Variants in DOCK7 observed in about 807,000 individuals in gnomAD.
DOCK7 encodes the protein dedicator of cytokinesis protein 7.
DOCK7 carries 138 observed loss-of-function variants against 271.0 expected under a neutral mutation model. The ratio of observed to expected loss-of-function variants is 0.51; its 90% CI spans 0.44 to 0.59. DOCK7 has a LOEUF of 0.59. DOCK7 is among the 20% of genes least tolerant of loss of function. The probability of loss-of-function intolerance (pLI) is 0.00; values close to 1 mark genes in which losing one functional copy is unlikely to be tolerated. For synonymous variants in DOCK7, 823 were observed against 876.1 expected (o/e 0.94, Z 1.07); for missense variants, 2,066 against 2,592.4 (o/e 0.80, Z 4.41).
chr1:62,492,611 A>T (rs1646498759), intron 41 of DOCK7, 93 bp downstream of exon 41: 1 of 1,506,500 alleles, frequency 6.6e-7, no homozygotes, highest in African/African-American at 1.4e-5. Context: ...CTTTAAAGAA[A>T]AGTAGGGTCA....
In DOCK7 at chr1:62,666,371, C is replaced by T. The variant is rs1468208356; in HGVS notation, c.39-3241G>A. Among the ~76,000 whole-genome samples, 5 of 152,050 alleles carry T rather than the reference C, an allele frequency of 3.3e-5. No homozygotes were observed. In the South Asian group the frequency reaches 6.2e-4, roughly 19 times the overall value. ...TTTTGTTTAATAACAGACATAAAAACGATAATCCTCATATTGCAAATATCT... is the reference window on the plus strand; with the variant it reads ...TTTTGTTTAATAACAGACATAAAAATGATAATCCTCATATTGCAAATATCT... On this transcript the variant is annotated intron_variant, in intron 1 of 49. Transcript: ENST00000635253.
chr1:62,611,562 G>A (rs975355054), intron 14 of DOCK7, among the ~76,000 whole-genome samples: 3 of 152,044 alleles, frequency 2.0e-5, no homozygotes, highest in Non-Finnish European at 4.4e-5. Context: ...TTCACAAGAC[G>A]ACCACAAGGT....
chr1:62,539,553 A>G lies in DOCK7; in HGVS notation c.3292T>C (p.Tyr1098His), dbSNP rs754360479. Reference sequence around the variant, plus strand: ...TCCTAACTATGCATTACCTGTTTATAGCAGGACTTTATAAGGCTAAAAACA... The same window carrying G: ...TCCTAACTATGCATTACCTGTTTATGGCAGGACTTTATAAGGCTAAAAACA... ...GFVFSLIKSC[Y>H]KQVSSKLYSL... is the part of the protein sequence containing the mutation. Residue 1098 changes from tyrosine (Y) to histidine (H), a missense_variant, in exon 27 of 50, where the codon TAT becomes CAT. By Grantham distance (83) the Tyr-to-His change is moderately conservative. Transcript: ENST00000635253. The G allele has an allele frequency of 6.2e-7, 1 of 1,608,986 alleles. No homozygotes were observed. The highest frequency in any genetic ancestry group is 8.5e-7 in the Non-Finnish European group (1 of 1,177,992).
intron 14 of DOCK7, among the ~76,000 whole-genome samples, chr1:62,602,728 C>T (rs1047134290): frequency 6.6e-6 from 1 of 151,518 alleles, no homozygotes; most frequent in African/African-American, 2.4e-5. Flanking sequence ...AGAACCACTC[C>T]TAGCATTAGT....
chr1:62,463,597 T>C (rs1484746913), intron 48 of DOCK7, among the ~76,000 whole-genome samples: 3 of 152,168 alleles, frequency 2.0e-5, no homozygotes, highest in Non-Finnish European at 4.4e-5. Flanking sequence ...GAATAAATCA[T>C]GGCATATTCA....
chr1:62,669,930 C>T (rs888421855), intron 1 of DOCK7, among the ~76,000 whole-genome samples: 1 of 152,238 alleles, frequency 6.6e-6, no homozygotes, highest in South Asian at 2.1e-4. Flanking sequence ...GCGGCACTTG[C>T]GGGCCAGCTG....
chr1:62,586,402 A>G lies in DOCK7; in HGVS notation c.1800+105T>C. 1.3e-5 allele frequency: 10 copies of G among 760,182 alleles called. No homozygotes were observed. In the South Asian group the frequency reaches 1.8e-4, roughly 13 times the overall value. 47.1% of individuals were successfully genotyped at this position (760,182 alleles called of 1,614,324 possible). On this transcript the variant is annotated intron_variant, in intron 15 of 49. Transcript: ENST00000635253. ...GTAATGCAGTTAGAAATTTGGTTTAAAAGATCACATTAATTTCCAGGTTGC... is the reference window on the plus strand; with the variant it reads ...GTAATGCAGTTAGAAATTTGGTTTAGAAGATCACATTAATTTCCAGGTTGC...
intron 22 of DOCK7, among the ~76,000 whole-genome samples, chr1:62,550,504 G>A (rs901069924): frequency 2.0e-5 from 3 of 152,086 alleles, no homozygotes; most frequent in Non-Finnish European, 4.4e-5. Context: ...TGGGAGAACA[G>A]GAAAGTGATG....
chr1:62,654,757 C>T (rs1346716890), intron 2 of DOCK7, among the ~76,000 whole-genome samples: 2 of 152,052 alleles, frequency 1.3e-5, no homozygotes, highest in African/African-American at 4.8e-5. Flanking sequence ...CAGGTGGTTT[C>T]TAAATGCAAT....
chr1:62,497,951 C>T (rs1646669509), intron 37 of DOCK7, among the ~76,000 whole-genome samples: 1 of 151,864 alleles, frequency 6.6e-6, no homozygotes, highest in African/African-American at 2.4e-5. Context: ...CAGCCATAAC[C>T]ATCAAAAAGT....
At position 62,489,799 on chromosome 1, in the gene DOCK7, G is replaced by T. The variant is rs187373036; in HGVS notation, c.5362-734C>A. Among the ~76,000 whole-genome samples the T allele has an allele frequency of 2.6e-3, 391 of 152,170 alleles. 1 individual carries two copies. The highest frequency in any genetic ancestry group is 4.6e-3 in the Non-Finnish European group (310 of 68,006). On this transcript the variant is annotated intron_variant, in intron 41 of 49. Transcript: ENST00000635253. ...AGAAAAATAAATTTAATATTACACT[G>T]GTCACAGATACCCAATTCTCCTATA... is the stretch of plus-strand genomic sequence containing the variant.
chr1:62,477,606 G>T, intron 44 of DOCK7, 94 bp downstream of exon 44: 2 of 1,343,822 alleles, frequency 1.5e-6, no homozygotes, highest in Non-Finnish European at 2.0e-6. Flanking sequence ...GGCAAGATCT[G>T]GCTTACTAAA....
At chr1:62,672,923 CAGTT>C (rs1660170098) in intron 1 of DOCK7, among the ~76,000 whole-genome samples, 2 of 151,996 alleles carry the variant, frequency 1.3e-5, no homozygotes, top group Non-Finnish European at 2.9e-5. Flanking sequence ...TTTCACAGGT[CAGTT>C]AAAGATATCC....
intron 4 of DOCK7, among the ~76,000 whole-genome samples, chr1:62,649,538 G>C (rs1171960918): frequency 6.6e-6 from 1 of 152,166 alleles, no homozygotes; most frequent in Non-Finnish European, 1.5e-5. Flanking sequence ...TTGTAAAGCT[G>C]CATACGTAAG....
At chr1:62,471,751 C>G (rs773328980) in intron 48 of DOCK7, among the ~76,000 whole-genome samples, 2 of 152,004 alleles carry the variant, frequency 1.3e-5, no homozygotes, top group Non-Finnish European at 2.9e-5. Context: ...ATAAACTATA[C>G]CACATTCAAA....
At chr1:62,664,774 T>C (rs1467577688) in intron 1 of DOCK7, among the ~76,000 whole-genome samples, 2 of 138,274 alleles carry the variant, frequency 1.4e-5, no homozygotes, top group African/African-American at 5.3e-5. Flanking sequence ...CAAAAAAGTC[T>C]ACTAGTTTAA....
intron 7 of DOCK7, among the ~76,000 whole-genome samples, chr1:62,639,840 G>C (rs1655770753): frequency 1.3e-5 from 2 of 151,542 alleles, no homozygotes; most frequent in African/African-American, 2.4e-5. Context: ...CAAATCCAGT[G>C]AGCTCTACTT....
rs1254996901 is a variant in DOCK7, at chr1:62,455,267, TC to T, written c.*146del. 2.4e-6 allele frequency: 2 copies of T among 831,634 alleles called. No individual in the cohort carries two copies. Among genetic ancestry groups the T allele is most frequent in the Non-Finnish European group, 4.0e-6 (2 of 499,828 alleles). The allele number at this position is 831,634 out of a possible 1,614,324, so 51.5% of individuals were successfully genotyped here. A position where few individuals can be genotyped will look rare whatever the true frequency, so the allele number is the denominator to read the frequency against. On this transcript the variant is annotated 3_prime_UTR_variant, in exon 50 of 50. Transcript: ENST00000635253. ...AGCCATGATTCTCAAGCGTTAACAA[TC>T]TACATTTGATATTTTCTTGGCCACT...
intron 22 of DOCK7, among the ~76,000 whole-genome samples, chr1:62,547,370 G>A (rs1360301853): frequency 6.6e-6 from 1 of 152,130 alleles, no homozygotes. Context: ...CAACAAACAT[G>A]GAACAGATTA....
Sources: allele counts gnomAD v4.1 joint callset (sites outside exome capture counted in the v4.1 genomes callset), GRCh38; gene constraint gnomAD v4.1.1; transcripts MANE v1.5; gene names NCBI Gene and HGNC (gene_info 2026-07-23, HGNC 2026-07-21).